Variants in DPP9 observed in about 807,000 individuals in gnomAD.
DPP9 encodes the protein dipeptidyl peptidase IV-related protein-2.
DPP9 carries 50 observed loss-of-function variants against 110.7 expected under a neutral mutation model. The ratio of observed to expected loss-of-function variants is 0.45; its 90% confidence interval spans 0.36 to 0.57. The LOEUF (loss-of-function observed/expected upper bound fraction) is 0.57, where lower values mean the gene tolerates loss of function less well. Among genes scored for constraint, DPP9 ranks in the 20% least tolerant of loss-of-function variants. The probability of loss-of-function intolerance (pLI) is 0.00; values close to 1 mark genes in which losing one functional copy is unlikely to be tolerated. For missense variants in DPP9, 1,022 were observed against 1,217.9 expected (o/e 0.84, Z 2.39); for synonymous variants, 561 against 514.4 (o/e 1.09, Z -1.23).
In DPP9 at chr19:4,684,211, G is replaced by C. The variant is rs190787119; in HGVS notation, c.2178+452C>G. ...TTCCGCTCCTTGCAACCCCTCTGCCGTGTAGGAAGCAGCACAGGGCCTCTC... is the reference window on the plus strand; with the variant it reads ...TTCCGCTCCTTGCAACCCCTCTGCCCTGTAGGAAGCAGCACAGGGCCTCTC... On this transcript the variant is annotated intron_variant, in intron 18 of 21. Transcript: ENST00000262960. This position sits in a 1 kb window ranked among gnomAD's most constrained non-coding sequence, Gnocchi z 4.8. 3.6e-6 allele frequency: 1 copy of C among 276,442 alleles called. No individual in the cohort carries two copies. The highest frequency in any genetic ancestry group is 2.2e-5 in the African/African-American group (1 of 45,560). 17.1% of individuals were successfully genotyped at this position (276,442 alleles called of 1,614,324 possible).
chr19:4,706,978 C>T (rs945781431), intron 4 of DPP9, among the ~76,000 whole-genome samples: 3 of 152,204 alleles, frequency 2.0e-5, no homozygotes, highest in African/African-American at 7.2e-5. Flanking sequence ...GGGCACCCCA[C>T]AGTCGTGACA....
At chr19:4,716,898 A>G (rs1356075727) in intron 3 of DPP9, among the ~76,000 whole-genome samples, 2 of 152,098 alleles carry the variant, frequency 1.3e-5, no homozygotes, top group African/African-American at 4.8e-5. Context: ...CAGCCCAGAG[A>G]ACTGCCCGTG....
chr19:4,694,566 T>C lies in DPP9; in HGVS notation c.1516+95A>G, dbSNP rs781522226. ...CTGTTCCTTCTCCCGCAGGGTGTGCTGGCTGAGTGGGGGGGCCGACCAATG... is the reference window on the plus strand; with the variant it reads ...CTGTTCCTTCTCCCGCAGGGTGTGCCGGCTGAGTGGGGGGGCCGACCAATG... On this transcript the variant is annotated intron_variant, in intron 13 of 21. Transcript: ENST00000262960. This position sits in a 1 kb window ranked among gnomAD's most constrained non-coding sequence, Gnocchi z 4.0. 159 of 1,462,774 alleles carry C rather than the reference T, an allele frequency of 1.1e-4. No individual in the cohort carries two copies. Among genetic ancestry groups the C allele is most frequent in the Non-Finnish European group, 1.4e-4 (154 of 1,083,384 alleles). 90.6% of individuals were successfully genotyped at this position (1,462,774 alleles called of 1,614,324 possible).
chr19:4,692,849 C>T (rs1019566480), intron 13 of DPP9, among the ~76,000 whole-genome samples: 1 of 152,154 alleles, frequency 6.6e-6, no homozygotes, highest in Non-Finnish European at 1.5e-5. Context: ...CCCTTTGAGA[C>T]GCTTAGCCAG....
Position 4,676,319 on chromosome 19 carries a change from G to A in DPP9, c.*245C>T, listed in dbSNP as rs1447606276. ...CTCCCAGAAGGCGGGGAGAGGAGGG[G>A]CTGGCCCGAGACCACCATCTCTCTG... On this transcript the variant is annotated 3_prime_UTR_variant, in exon 22 of 22. Coordinates refer to ENST00000262960, the MANE Select transcript of DPP9 (RefSeq NM_139159.5). This position sits in a 1 kb window ranked among gnomAD's most constrained non-coding sequence, Gnocchi z 4.0. 1.5e-5 allele frequency: 8 copies of A among 540,564 alleles called. No homozygotes were observed. The South Asian group carries it at 1.6e-4, about 11-fold the overall frequency. 33.5% of individuals were successfully genotyped at this position (540,564 alleles called of 1,614,324 possible).
At chr19:4,706,018 G>T in intron 4 of DPP9, 48 bp from the exon 5 acceptor site, 1 of 1,538,674 alleles carries the variant, frequency 6.5e-7, no homozygotes, top group South Asian at 1.1e-5. Flanking sequence ...GGCTCAGGAT[G>T]GGGAGACGCC....
Position 4,676,504 on chromosome 19 carries a change from G to C in DPP9, c.*60C>G. On this transcript the variant is annotated 3_prime_UTR_variant, in exon 22 of 22. Transcript: ENST00000262960. This position sits in a 1 kb window ranked among gnomAD's most constrained non-coding sequence, Gnocchi z 4.0. ...GCGGGCCACTCAGTCCCTCCCGCCT[G>C]GTTCCCCGCGGAGGCTGCAGCCACT... The C allele has an allele frequency of 6.9e-7, 1 of 1,444,714 alleles. No individual in the cohort carries two copies. Among genetic ancestry groups the C allele is most frequent in the South Asian group, 1.2e-5 (1 of 82,208 alleles). 89.5% of individuals were successfully genotyped at this position (1,444,714 alleles called of 1,614,324 possible).
In DPP9 at chr19:4,693,814, C is replaced by T. The variant is rs1315387683; in HGVS notation, c.1516+847G>A. On this transcript the variant is annotated intron_variant, in intron 13 of 21. Transcript: ENST00000262960. The surrounding 1 kb of genome is among the most constrained non-coding windows in gnomAD (Gnocchi z 5.0). ...CCTGCACCATCTGCTTTTTCTCTCC[C>T]CACCCTCTCCTCCCTCTCTCCCCCT... Among the ~76,000 whole-genome samples, 1 of 151,970 alleles carries T rather than the reference C, an allele frequency of 6.6e-6. No homozygotes were observed. The highest frequency in any genetic ancestry group is 1.5e-5 in the Non-Finnish European group (1 of 67,942).
In DPP9 at chr19:4,685,545, C is replaced by T. The variant is rs1568304897; in HGVS notation, c.2031+81G>A. ...GGGGAGCCTCCTCTGGTTGACTGTT[C>T]TACAGCTGGCACTTGAGTGGGGATG... On this transcript the variant is annotated intron_variant, in intron 17 of 21. Transcript: ENST00000262960. The surrounding 1 kb of genome is among the most constrained non-coding windows in gnomAD (Gnocchi z 5.8). The T allele has an allele frequency of 7.0e-7, 1 of 1,434,430 alleles. No homozygotes were observed. Among genetic ancestry groups the T allele is most frequent in the Admixed American group, 2.0e-5 (1 of 50,424 alleles). 88.9% of individuals were successfully genotyped at this position (1,434,430 alleles called of 1,614,324 possible). A position where few individuals can be genotyped will look rare whatever the true frequency, so the allele number is the denominator to read the frequency against.
chr19:4,683,275 C>A (rs773683623), intron 19 of DPP9: 2 of 1,436,272 alleles, frequency 1.4e-6, no homozygotes, highest in South Asian at 3.0e-5. Context: ...TGCCATCCTG[C>A]GGTCGGCGGT....
chr19:4,681,638 C>T (rs543870398), intron 20 of DPP9, among the ~76,000 whole-genome samples: 24 of 152,230 alleles, frequency 1.6e-4, no homozygotes, highest in African/African-American at 5.1e-4. Flanking sequence ...GATGTTCGCT[C>T]ACTACCAACT....
At chr19:4,697,526 T>C (rs1457544212) in intron 11 of DPP9, 25 bp downstream of exon 11, 6 of 1,602,422 alleles carry the variant, frequency 3.7e-6, no homozygotes, top group Non-Finnish European at 5.1e-6. Context: ...GGTGAATTCC[T>C]TGGGTTCCAG....
Position 4,685,827 on chromosome 19 carries a change from C to A in DPP9, c.1886-56G>T, listed in dbSNP as rs1314932872. On this transcript the variant is annotated intron_variant, in intron 16 of 21. Transcript: ENST00000262960. The surrounding 1 kb of genome is among the most constrained non-coding windows in gnomAD (Gnocchi z 5.8). ...CCGGGGAAGCCACATCCAGCTGACA[C>A]CCTTGTTCTCCTGCCCACCCCAAGC... The A allele has an allele frequency of 3.2e-6, 5 of 1,584,592 alleles. No individual in the cohort carries two copies. In the Admixed American group the frequency reaches 5.2e-5, roughly 16 times the overall value.
At chr19:4,719,674 G>A in intron 3 of DPP9, 177 bp downstream of exon 3, 1 of 729,470 alleles carries the variant, frequency 1.4e-6, no homozygotes, top group Non-Finnish European at 2.3e-6. Flanking sequence ...TGCCGAGGGG[G>A]AGACCCCGCA....
chr19:4,680,538 C>G (rs1216480150), intron 20 of DPP9, among the ~76,000 whole-genome samples: 1 of 151,630 alleles, frequency 6.6e-6, no homozygotes, highest in Non-Finnish European at 1.5e-5. Context: ...ATGGCAAAAC[C>G]TCATCTCTAC....
chr19:4,715,051 CAG>C (rs948383861), intron 3 of DPP9, among the ~76,000 whole-genome samples: 9 of 93,102 alleles, frequency 9.7e-5, no homozygotes, highest in Admixed American at 3.6e-4. Context: ...TTTTTGGAGA[CAG>C]AGTCTCCAAA....
intron 2 of DPP9, 49 bp downstream of exon 2, chr19:4,722,450 C>T: frequency 1.4e-6 from 1 of 700,490 alleles, no homozygotes. Flanking sequence ...AGGAATCCCA[C>T]CAGCCCACAC....
intron 21 of DPP9, among the ~76,000 whole-genome samples, chr19:4,677,347 C>G (rs1487296778): frequency 6.6e-6 from 1 of 152,120 alleles, no homozygotes; most frequent in East Asian, 1.9e-4. Flanking sequence ...AGGACCAAGG[C>G]ATGAAAATAA....
intron 2 of DPP9, 109 bp downstream of exon 2, chr19:4,722,390 G>A: frequency 1.6e-6 from 1 of 641,528 alleles, no homozygotes. Flanking sequence ...CAACCATCCA[G>A]GGCCATAGAA....
Sources: gnomAD v4.1 joint callset for allele counts (sites outside exome capture counted in the v4.1 genomes callset) on GRCh38, gnomAD v4.1.1 for gene constraint, Gnocchi (gnomAD v3.1) non-coding constraint, MANE v1.5 for transcripts, NCBI Gene and HGNC (gene_info 2026-07-23, HGNC 2026-07-21) for gene names.